Variants in PDCD6 observed in about 807,000 individuals in gnomAD.
PDCD6 encodes programmed cell death protein 6.
Under a neutral mutation model 28.3 loss-of-function variants are expected in PDCD6, and 12 were observed. The ratio of observed to expected loss-of-function variants is 0.42; its 90% CI spans 0.27 to 0.69. The LOEUF (loss-of-function observed/expected upper bound fraction) is 0.69, where lower values mean the gene tolerates loss of function less well. PDCD6 is among the 30% of genes least tolerant of loss of function. The pLI is 0.22. For missense variants in PDCD6, 226 were observed against 269.9 expected, an observed-to-expected ratio of 0.84 and a Z score of 1.14; for synonymous variants, 92 against 108.0, an observed-to-expected ratio of 0.85 and a Z score of 0.92.
chr5:279,054 A>G (rs1386958469), intron 2 of PDCD6, among the ~76,000 whole-genome samples: 1 of 152,146 alleles, frequency 6.6e-6, no homozygotes, highest in Non-Finnish European at 1.5e-5. Context: ...TCCATGGGGA[A>G]CAGCATTGGC....
intron 2 of PDCD6, among the ~76,000 whole-genome samples, chr5:277,484 G>C (rs1278083230): frequency 6.6e-6 from 1 of 151,756 alleles, no homozygotes; most frequent in Admixed American, 6.6e-5. Context: ...TGTCTTTTTA[G>C]TAGAGACGGG....
At chr5:308,307 G>A (rs1196176919) in intron 4 of PDCD6, 2 of 152,240 alleles carry the variant, frequency 1.3e-5, no homozygotes, top group African/African-American at 4.8e-5. Context: ...CCTGGTCTCT[G>A]AGGCCCTCTT....
At chr5:303,522 G>A (rs1041883441) in intron 2 of PDCD6, among the ~76,000 whole-genome samples, 1 of 151,936 alleles carries the variant, frequency 6.6e-6, no homozygotes, top group South Asian at 2.1e-4. Context: ...CAGATTCAAC[G>A]ATGAGTCTGA....
chr5:287,347 C>T (rs1039370385), intron 2 of PDCD6, among the ~76,000 whole-genome samples: 4 of 152,094 alleles, frequency 2.6e-5, no homozygotes, highest in African/African-American at 4.8e-5. Context: ...AGTTTCAGGA[C>T]GCCACTTGAA....
intron 2 of PDCD6, among the ~76,000 whole-genome samples, chr5:275,138 G>A (rs1025010916): frequency 1.3e-5 from 2 of 152,150 alleles, no homozygotes; most frequent in African/African-American, 4.8e-5. Flanking sequence ...TGTGAGTGCA[G>A]GGCCAGGTGC....
At chr5:287,396 G>A (rs1739038174) in intron 2 of PDCD6, among the ~76,000 whole-genome samples, 1 of 152,080 alleles carries the variant, frequency 6.6e-6, no homozygotes, top group African/African-American at 2.4e-5. Context: ...GTTAAGCCTG[G>A]GAGCTTCTCA....
At position 311,166 on chromosome 5, in the gene PDCD6, C is replaced by T; in HGVS notation, c.368-127C>T. ...CTGAGTGCCTTTGAGGGAATTTGCA[C>T]TTCCGTTCCCACACAGCCTTGCATT... On this transcript the variant is annotated intron_variant, in intron 4 of 5. Coordinates refer to ENST00000264933, the MANE Select transcript of PDCD6 (RefSeq NM_013232.4). 8.3e-6 allele frequency: 6 copies of T among 724,086 alleles called. No individual in the cohort carries two copies. In the Admixed American group the frequency reaches 1.4e-4, roughly 17 times the overall value. 44.9% of individuals were successfully genotyped at this position (724,086 alleles called of 1,614,324 possible).
At position 308,157 on chromosome 5, in the gene PDCD6, C is replaced by G. The variant is rs978199896; in HGVS notation, c.367+1397C>G. The G allele has an allele frequency of 2.6e-5, 4 of 152,348 alleles. No homozygotes were observed. In the South Asian group the frequency reaches 8.3e-4, roughly 32 times the overall value. 9.4% of individuals were successfully genotyped at this position (152,348 alleles called of 1,614,324 possible). On this transcript the variant is annotated intron_variant, in intron 4 of 5. Transcript: ENST00000264933. The stretch of plus-strand genomic sequence containing the variant: ...GGGCCACGTGGACTTCAGGACCGGC[C>G]TGAAGTTATTTTTAGATAAGCGACC...
At chr5:302,336 T>A (rs1194517651) in intron 2 of PDCD6, among the ~76,000 whole-genome samples, 5 of 142,028 alleles carry the variant, frequency 3.5e-5, no homozygotes, top group African/African-American at 1.1e-4. Context: ...CACCTGCCTT[T>A]GTGGGAAGGG....
chr5:299,828 C>A (rs551157086), intron 2 of PDCD6, among the ~76,000 whole-genome samples: 4 of 152,004 alleles, frequency 2.6e-5, no homozygotes, highest in Non-Finnish European at 1.5e-5. Flanking sequence ...GGATTACAGG[C>A]GCCAGCCACC....
At chr5:293,018 C>T (rs900649942) in intron 2 of PDCD6, among the ~76,000 whole-genome samples, 2 of 152,180 alleles carry the variant, frequency 1.3e-5, no homozygotes, top group South Asian at 2.1e-4. Context: ...TGGCATTTCT[C>T]AAGTTTGTCC....
chr5:289,384 C>G, intron 2 of PDCD6: 1 of 616,646 alleles, frequency 1.6e-6, no homozygotes, highest in South Asian at 2.1e-5. Flanking sequence ...TCTTACTCCT[C>G]CCTTTTACAG....
At chr5:309,110 G>A (rs1345453274) in intron 4 of PDCD6, 1 of 152,326 alleles carries the variant, frequency 6.6e-6, no homozygotes, top group Non-Finnish European at 1.5e-5. Flanking sequence ...GGAGCCCCAG[G>A]GAGCCTCAGC....
At chr5:292,726 C>T (rs1739387056) in intron 2 of PDCD6, among the ~76,000 whole-genome samples, 1 of 152,192 alleles carries the variant, frequency 6.6e-6, no homozygotes, top group African/African-American at 2.4e-5. Flanking sequence ...CGAGAGGAGG[C>T]CGAGTCAGGC....
intron 2 of PDCD6, among the ~76,000 whole-genome samples, chr5:297,079 C>T (rs1156719704): frequency 3.3e-5 from 5 of 152,184 alleles, no homozygotes; most frequent in East Asian, 1.9e-4. Flanking sequence ...CACACTGTGC[C>T]GGGCAGTCGC....
At chr5:301,596 T>A (rs1740053652) in intron 2 of PDCD6, among the ~76,000 whole-genome samples, 1 of 152,272 alleles carries the variant, frequency 6.6e-6, no homozygotes. Flanking sequence ...AGTGCTGCTG[T>A]GTGTGTATGC....
chr5:276,653 C>G (rs1738219089), intron 2 of PDCD6: 2 of 977,214 alleles, frequency 2.0e-6, no homozygotes, highest in African/African-American at 3.5e-5. Context: ...GATAGTAGAA[C>G]TAAATTATTA....
chr5:300,686 G>A (rs1161337812), intron 2 of PDCD6, among the ~76,000 whole-genome samples: 1 of 152,242 alleles, frequency 6.6e-6, no homozygotes, highest in Non-Finnish European at 1.5e-5. Flanking sequence ...CGGGCCGTTA[G>A]GCCTTGTGGT....
At chr5:277,139 T>C (rs1266225187) in intron 2 of PDCD6, among the ~76,000 whole-genome samples, 6 of 152,088 alleles carry the variant, frequency 3.9e-5, no homozygotes, top group Non-Finnish European at 1.5e-5. Context: ...TTTATGTGTG[T>C]TTTTGAGACA....
Sources: gnomAD v4.1 joint callset for allele counts (sites outside exome capture counted in the v4.1 genomes callset) on GRCh38, gnomAD v4.1.1 for gene constraint, MANE v1.5 for transcripts, NCBI Gene and HGNC (gene_info 2026-07-23, HGNC 2026-07-21) for gene names.